LRTM1: variants seen among roughly 807,000 people sequenced by gnomAD.
LRTM1 encodes leucine rich repeat transmembrane protein 1, also known as leucine-rich repeat and transmembrane domain-containing protein 1.
LRTM1 carries 38 observed loss-of-function variants against 32.4 expected under a neutral mutation model. The observed-to-expected ratio is 1.17, with a 90% CI of 0.91 to 1.54. The LOEUF (loss-of-function observed/expected upper bound fraction) is 1.54. Ranked by LOEUF, LRTM1 falls within the 40% of genes most tolerant of loss-of-function variation. The probability of loss-of-function intolerance (pLI) is 0.00; values close to 1 mark genes in which losing one functional copy is unlikely to be tolerated. For missense variants in LRTM1, 466 were observed against 415.4 expected, an observed-to-expected ratio of 1.12 and a Z score of -1.06; for synonymous variants, 186 against 169.9, an observed-to-expected ratio of 1.09 and a Z score of -0.74.
chr3:54,920,510 T>C (rs1044360566), intron 2 of LRTM1, among the ~76,000 whole-genome samples: 1 of 152,204 alleles, frequency 6.6e-6, no homozygotes, highest in East Asian at 1.9e-4. Context: ...TTTCTTCCTT[T>C]TTTGAGCCAC....
intron 1 of LRTM1, among the ~76,000 whole-genome samples, chr3:54,966,362 G>C (rs1435840918): frequency 6.6e-6 from 1 of 152,172 alleles, no homozygotes; most frequent in Non-Finnish European, 1.5e-5. Flanking sequence ...CTCAAAATCA[G>C]CTTCTTTCAG....
At chr3:54,956,501 G>A (rs1044894980) in intron 1 of LRTM1, among the ~76,000 whole-genome samples, 3 of 152,140 alleles carry the variant, frequency 2.0e-5, no homozygotes, top group Admixed American at 6.5e-5. Flanking sequence ...TGGTCTTAAC[G>A]TTCTCAGTCT....
rs1381458325 is a variant in LRTM1 at position 54,925,881 on chromosome 3, G to A, written c.8-666C>T. Among the ~76,000 whole-genome samples, 4 of 152,180 alleles carry A rather than the reference G, an allele frequency of 2.6e-5. No homozygotes were observed. In the East Asian group the frequency reaches 5.8e-4, roughly 22 times the overall value. Reference sequence around the variant, plus strand: ...CTACGTATTGATATCCATTTTTGCCGTTGTAATTCCATGAACAAGGATAGT... The same window carrying A: ...CTACGTATTGATATCCATTTTTGCCATTGTAATTCCATGAACAAGGATAGT... On this transcript the variant is annotated intron_variant, in intron 1 of 2. Coordinates refer to ENST00000273286, the MANE Select transcript of LRTM1 (RefSeq NM_020678.4).
intron 2 of LRTM1, among the ~76,000 whole-genome samples, chr3:54,921,638 T>C (rs189362494): frequency 1.4e-4 from 21 of 152,236 alleles, no homozygotes; most frequent in Admixed American, 1.1e-3. Flanking sequence ...TAATGCCACC[T>C]CCAGGCCATA....
In LRTM1 at chr3:54,948,221, C is replaced by G. The variant is rs180692770; in HGVS notation, c.-222+18707G>C. 1.2e-3 allele frequency among the ~76,000 whole-genome samples: 177 copies of G among 152,280 alleles called. 1 individual carries two copies. Among genetic ancestry groups the G allele is most frequent in the Middle Eastern group, 3.4e-3 (1 of 292 alleles). On this transcript the variant is annotated intron_variant, in intron 1 of 2. Transcript: ENST00000493075. ...GAGAGTGAGATAGGAAACTTTTTGA[C>G]TAGAAAAGTATGTGTGATGTGAGCC...
At chr3:54,966,250 T>G (rs886612176) in intron 1 of LRTM1, among the ~76,000 whole-genome samples, 4 of 151,996 alleles carry the variant, frequency 2.6e-5, no homozygotes, top group Non-Finnish European at 4.4e-5. Context: ...TACCCTGGAG[T>G]GACTCTTTCA....
chr3:54,931,985 A>T (rs988705788), upstream of LRTM1, among the ~76,000 whole-genome samples: 23 of 152,086 alleles, frequency 1.5e-4, no homozygotes, highest in Admixed American at 1.4e-3. Context: ...GTTCAAAGCC[A>T]ACCCAGGCAA....
intron 1 of LRTM1, among the ~76,000 whole-genome samples, chr3:54,925,880 C>T (rs955642724): frequency 1.3e-5 from 2 of 152,156 alleles, no homozygotes; most frequent in African/African-American, 4.8e-5. Context: ...CCATTTTTGC[C>T]GTTGTAATTC....
chr3:54,931,919 G>A (rs1027060062), upstream of LRTM1, among the ~76,000 whole-genome samples: 6 of 152,120 alleles, frequency 3.9e-5, no homozygotes, highest in African/African-American at 9.7e-5. Context: ...AGTGGTTCAC[G>A]CTTGCAATCC....
At chr3:54,934,617 G>A (rs1371444896) in intron 1 of LRTM1, among the ~76,000 whole-genome samples, 1 of 152,130 alleles carries the variant, frequency 6.6e-6, no homozygotes, top group Non-Finnish European at 1.5e-5. Context: ...TTTCTTTTCA[G>A]CATCCACGTG....
At chr3:54,954,389 A>G (rs1701830250) in intron 1 of LRTM1, among the ~76,000 whole-genome samples, 1 of 152,160 alleles carries the variant, frequency 6.6e-6, no homozygotes, top group South Asian at 2.1e-4. Flanking sequence ...ATGCTTTCAC[A>G]TTCTTCCCAG....
At chr3:54,925,344 G>C (rs1575380250) in intron 1 of LRTM1, 129 bp from the exon 2 acceptor site, 1 of 725,172 alleles carries the variant, frequency 1.4e-6, no homozygotes. Flanking sequence ...CTGCAAGAGA[G>C]GTTCTGTCAC....
At chr3:54,939,167 A>G (rs1414841785) in intron 1 of LRTM1, among the ~76,000 whole-genome samples, 1 of 152,096 alleles carries the variant, frequency 6.6e-6, no homozygotes, top group Non-Finnish European at 1.5e-5. Context: ...AACATCTGAA[A>G]CTCTTACAAC....
At position 54,925,105 on chromosome 3, in the gene LRTM1, C is replaced by G. The variant is rs1228502056; in HGVS notation, c.118G>C (p.Gly40Arg). 8.1e-6 allele frequency: 13 copies of G among 1,613,844 alleles called. No homozygotes were observed. The highest frequency in any genetic ancestry group is 1.1e-5 in the Non-Finnish European group (13 of 1,179,992). ...AAATGGGAAGGGATTTCGGCCAGAC[C>G]CTGCTGGCTGCAGTCTACAAAATTT... ...STNFVDCSQQ[G>R]LAEIPSHLPP... The change falls in exon 2 of 3, where the codon GGT becomes CGT. Residue 40 changes from glycine (G) to arginine (R), a missense_variant. Physicochemically the swap from Gly to Arg is moderately radical, Grantham distance 125 (BLOSUM62 -2). Transcript: ENST00000273286.
intron 1 of LRTM1, among the ~76,000 whole-genome samples, chr3:54,963,991 A>G (rs1311807171): frequency 1.3e-5 from 2 of 152,238 alleles, no homozygotes; most frequent in African/African-American, 2.4e-5. Flanking sequence ...GAACAGTCAC[A>G]CAGATAGTTC....
chr3:54,955,704 C>T (rs1575405172), intron 1 of LRTM1, among the ~76,000 whole-genome samples: 3 of 152,234 alleles, frequency 2.0e-5, no homozygotes, highest in East Asian at 3.9e-4. Context: ...CAGCCTGGCT[C>T]TCCCCTGAGG....
At position 54,918,686 on chromosome 3, in the gene LRTM1, A is replaced by G. The variant is rs978322085; in HGVS notation, c.811T>C (p.Cys271Arg). 33 of 1,613,662 alleles carry G rather than the reference A, an allele frequency of 2.0e-5. No individual in the cohort carries two copies. The highest frequency in any genetic ancestry group is 2.7e-5 in the African/African-American group (2 of 74,786). Residue 271 changes from cysteine (C) to arginine (R), a missense_variant, in exon 3 of 3, where the codon TGC becomes CGC. Coordinates refer to ENST00000273286, the MANE Select transcript of LRTM1 (RefSeq NM_020678.4). Reference sequence around the variant, plus strand: ...GGCCTTGGCTTGGGTTTGAGCTCGCACTCCAAGAGTTCTCGCTCCCCCGCG... The same window carrying G: ...GGCCTTGGCTTGGGTTTGAGCTCGCGCTCCAAGAGTTCTCGCTCCCCCGCG... Reference protein sequence around the residue: ...HNAGERELLECELKPKPRPAN... With the variant: ...HNAGERELLERELKPKPRPAN...
At chr3:54,949,221 A>T (rs972403641) in intron 1 of LRTM1, among the ~76,000 whole-genome samples, 1 of 152,212 alleles carries the variant, frequency 6.6e-6, no homozygotes, top group South Asian at 2.1e-4. Context: ...ACAGGAGCAT[A>T]GGATGCATCC....
At chr3:54,965,766 G>A (rs1026804152) in intron 1 of LRTM1, among the ~76,000 whole-genome samples, 5 of 152,304 alleles carry the variant, frequency 3.3e-5, no homozygotes, top group South Asian at 4.1e-4. Flanking sequence ...CAGCTAGCCG[G>A]AACACAGCTA....
Sources: allele counts gnomAD v4.1 joint callset (sites outside exome capture counted in the v4.1 genomes callset), GRCh38; gene constraint gnomAD v4.1.1; transcripts MANE v1.5; gene names NCBI Gene and HGNC (gene_info 2026-07-23, HGNC 2026-07-21).